The following DPYSL3 variants were observed in gnomAD, a reference collection of about 807,000 sequenced individuals.
DPYSL3 encodes the protein dihydropyrimidinase like 3.
Under a neutral mutation model 66.1 loss-of-function variants are expected in DPYSL3, and 16 were observed. That is an observed-to-expected ratio of 0.24 (90% CI 0.16 to 0.37). The LOEUF (loss-of-function observed/expected upper bound fraction) is 0.37, where lower values mean the gene tolerates loss of function less well. Ranked by LOEUF, DPYSL3 falls within the 10% of genes least tolerant of loss-of-function variation. The pLI, the probability that DPYSL3 is intolerant of heterozygous loss-of-function variation, is 1.00. For missense variants in DPYSL3, 738 were observed against 916.2 expected (o/e 0.81, Z 2.51); for synonymous variants, 338 against 345.1 (o/e 0.98, Z 0.23).
chr5:147,394,004 G>T lies in DPYSL3; in HGVS notation c.*31C>A. 1 of 1,608,438 alleles carries T rather than the reference G, an allele frequency of 6.2e-7. No individual in the cohort carries two copies. Among genetic ancestry groups the T allele is most frequent in the Non-Finnish European group, 8.5e-7 (1 of 1,175,350 alleles). On this transcript the variant is annotated 3_prime_UTR_variant, in exon 14 of 14. Transcript: ENST00000343218. ...TTTGGCTTCAAAACAATCTCTTCTT[G>T]CTTCTGCCCCTCTCTTTGAGGAAGG... is the stretch of plus-strand genomic sequence containing the variant.
intron 1 of DPYSL3, among the ~76,000 whole-genome samples, chr5:147,487,100 C>G (rs563072060): frequency 1.1e-4 from 17 of 152,166 alleles, no homozygotes; most frequent in African/African-American, 4.1e-4. Flanking sequence ...ACCTTGCCAC[C>G]TCTCCTTTTT....
In DPYSL3 at chr5:147,509,465, G is replaced by A. The variant is rs1302232358; in HGVS notation, c.381+13C>T. The A allele has an allele frequency of 1.3e-6, 2 of 1,493,646 alleles. No homozygotes were observed. Among genetic ancestry groups the A allele is most frequent in the Non-Finnish European group, 1.8e-6 (2 of 1,125,672 alleles). 92.5% of individuals were successfully genotyped at this position (1,493,646 alleles called of 1,614,324 possible). A position where few individuals can be genotyped will look rare whatever the true frequency, so the allele number is the denominator to read the frequency against. On this transcript the variant is annotated intron_variant, in intron 1 of 13. Coordinates refer to ENST00000343218, the MANE Select transcript of DPYSL3 (RefSeq NM_001197294.2). The surrounding 1 kb of genome is among the most constrained non-coding windows in gnomAD (Gnocchi z 5.3). ...ACGAAGGCAAGGAGGGAAGTGACCC[G>A]GGGCCCCCTTACCTTGTCCTTGGGG... is the stretch of plus-strand genomic sequence containing the variant.
At chr5:147,400,939 G>A (rs938840348) in intron 9 of DPYSL3, 106 bp from the exon 10 acceptor site, 1 of 1,411,232 alleles carries the variant, frequency 7.1e-7, no homozygotes, top group African/African-American at 1.4e-5. Flanking sequence ...GACTATTTGG[G>A]TTTGGAATGC....
At chr5:147,421,785 G>A (rs1376616172) in intron 2 of DPYSL3, among the ~76,000 whole-genome samples, 1 of 152,192 alleles carries the variant, frequency 6.6e-6, no homozygotes, top group Admixed American at 6.5e-5. Flanking sequence ...AATAAACGGT[G>A]TTGGGAAAAC....
rs1164185028 is a variant in DPYSL3, at chr5:147,424,917, T to G, written c.428A>C (p.Gln143Pro). Residue 143 changes from glutamine (Q) to proline (P), a missense_variant, in exon 2 of 14, where the codon CAG (glutamine) becomes CCG (proline). Gln to Pro is a moderately conservative substitution (Grantham distance 76). Transcript: ENST00000343218. ...CATGTAAATATCAGCATAAAAGGAC[T>G]GATCATCATTGACGATTCTGCCTCC... ...IKGGRIVNDD[Q>P]SFYADIYMED... The G allele has an allele frequency of 6.2e-7, 1 of 1,613,272 alleles. No homozygotes were observed. Among genetic ancestry groups the G allele is most frequent in the Admixed American group, 1.7e-5 (1 of 59,920 alleles).
intron 1 of DPYSL3, chr5:147,453,462 A>G (rs1752778119): frequency 2.7e-6 from 4 of 1,461,114 alleles, no homozygotes; most frequent in Non-Finnish European, 3.6e-6. Context: ...AGGCCAGAGA[A>G]GCCGGCGGGA....
chr5:147,496,318 C>G (rs1209560181), intron 1 of DPYSL3, among the ~76,000 whole-genome samples: 1 of 152,192 alleles, frequency 6.6e-6, no homozygotes, highest in Non-Finnish European at 1.5e-5. Flanking sequence ...CTACACAATA[C>G]CATTCAGGAC....
intron 9 of DPYSL3, 119 bp downstream of exon 9, chr5:147,401,421 C>T (rs966601114): frequency 1.2e-5 from 14 of 1,175,974 alleles, no homozygotes; most frequent in Admixed American, 5.8e-5. Context: ...TCCCAATACA[C>T]TGTTCACACT....
rs750197190 is a variant in DPYSL3, at chr5:147,421,229, TAGAG to T, written c.471-2602_471-2599del. The stretch of plus-strand genomic sequence containing the variant: ...TTCCTATACACCAGTAATGGACAAA[TAGAG>T]AGCCAAATCATGAGCAAACTCCCAT... On this transcript the variant is annotated intron_variant, in intron 2 of 13. Coordinates refer to ENST00000343218, the MANE Select transcript of DPYSL3 (RefSeq NM_001197294.2). Among the ~76,000 whole-genome samples the T allele has an allele frequency of 7.9e-5, 12 of 151,996 alleles. 1 individual carries two copies. The highest frequency in any genetic ancestry group is 4.1e-4 in the South Asian group (2 of 4,828).
At chr5:147,438,146 A>G (rs1752448346) in intron 1 of DPYSL3, among the ~76,000 whole-genome samples, 1 of 152,092 alleles carries the variant, frequency 6.6e-6, no homozygotes, top group African/African-American at 2.4e-5. Flanking sequence ...GTGATGACTG[A>G]TTTTCTTGGT....
intron 1 of DPYSL3, among the ~76,000 whole-genome samples, chr5:147,441,364 G>T (rs1439244732): frequency 6.6e-6 from 1 of 151,758 alleles, no homozygotes; most frequent in South Asian, 2.1e-4. Flanking sequence ...GTCCTCACAT[G>T]GTCTTCCCTC....
intron 1 of DPYSL3, among the ~76,000 whole-genome samples, chr5:147,449,100 A>G (rs1051041449): frequency 3.3e-5 from 5 of 152,222 alleles, no homozygotes; most frequent in African/African-American, 9.6e-5. Flanking sequence ...TTCTTAAATG[A>G]CACCCATTGA....
intron 2 of DPYSL3, among the ~76,000 whole-genome samples, chr5:147,423,259 G>A (rs1752120201): frequency 6.6e-6 from 1 of 152,230 alleles, no homozygotes; most frequent in African/African-American, 2.4e-5. Context: ...TCCAATATAA[G>A]AAAGTAATAA....
chr5:147,411,913 A>G (rs1272822262), intron 6 of DPYSL3, among the ~76,000 whole-genome samples: 1 of 152,190 alleles, frequency 6.6e-6, no homozygotes, highest in East Asian at 1.9e-4. Flanking sequence ...GGATGAAGAA[A>G]GCTCACTCTT....
intron 1 of DPYSL3, among the ~76,000 whole-genome samples, chr5:147,490,804 A>G (rs954354943): frequency 1.8e-4 from 27 of 152,190 alleles, no homozygotes; most frequent in Non-Finnish European, 2.4e-4. Context: ...TTGAACTGCA[A>G]TTGGTTAATT....
At chr5:147,456,676 C>T (rs918434887) in intron 1 of DPYSL3, among the ~76,000 whole-genome samples, 4 of 150,094 alleles carry the variant, frequency 2.7e-5, no homozygotes, top group South Asian at 4.3e-4. Flanking sequence ...CAGCAACCTC[C>T]GCCTCCCAGG....
At chr5:147,440,430 T>C (rs897251724) in intron 1 of DPYSL3, among the ~76,000 whole-genome samples, 1 of 152,252 alleles carries the variant, frequency 6.6e-6, no homozygotes. Context: ...AACTCTGACA[T>C]AGACAGCTTC....
chr5:147,463,849 C>T (rs901342038), intron 1 of DPYSL3, among the ~76,000 whole-genome samples: 3 of 152,102 alleles, frequency 2.0e-5, no homozygotes, highest in African/African-American at 7.3e-5. Context: ...ACACTGGGCC[C>T]CTTTCATACT....
intron 10 of DPYSL3, 48 bp from the exon 11 acceptor site, chr5:147,399,300 T>C (rs1758098817): frequency 1.3e-6 from 2 of 1,576,852 alleles, no homozygotes; most frequent in East Asian, 4.5e-5. Flanking sequence ...TACATATATA[T>C]CAATTCAGGG....
Sources: gnomAD v4.1 joint callset for allele counts (sites outside exome capture counted in the v4.1 genomes callset) on GRCh38, gnomAD v4.1.1 for gene constraint, Gnocchi (gnomAD v3.1) non-coding constraint, MANE v1.5 for transcripts, NCBI Gene and HGNC (gene_info 2026-07-23, HGNC 2026-07-21) for gene names.